The following EYS variants were observed in gnomAD, a reference collection of about 807,000 sequenced individuals.
EYS encodes EGF-like photoreceptor maintenance factor.
In EYS, 250 loss-of-function variants were observed where a neutral mutation model predicts 282.1. The observed-to-expected ratio is 0.89, with a 90% CI of 0.80 to 0.98. The LOEUF (loss-of-function observed/expected upper bound fraction) is 0.98, where lower values mean the gene tolerates loss of function less well. EYS is among the 50% of genes least tolerant of loss of function. The pLI is 0.00. For synonymous variants in EYS, 1,355 were observed against 1,282.9 expected (o/e 1.06, Z -1.20); for missense variants, 4,016 against 3,709.0 (o/e 1.08, Z -2.15).
At chr6:63,856,235 A>G (rs1772388197) in intron 36 of EYS, among the ~76,000 whole-genome samples, 1 of 149,894 alleles carries the variant, frequency 6.7e-6, no homozygotes, top group Non-Finnish European at 1.5e-5. Context: ...GAGCTTGAGA[A>G]TAAACTACAG....
intron 2 of EYS, among the ~76,000 whole-genome samples, chr6:65,582,145 G>A (rs1764896343): frequency 6.6e-6 from 1 of 151,584 alleles, no homozygotes. Context: ...GCAATGAACT[G>A]AGATGGCGCC....
chr6:64,783,940 T>C (rs1773938733), intron 22 of EYS, among the ~76,000 whole-genome samples: 1 of 152,128 alleles, frequency 6.6e-6, no homozygotes, highest in Non-Finnish European at 1.5e-5. Flanking sequence ...TTGAGATAAA[T>C]TTAACAAAAA....
chr6:63,875,999 C>T (rs1431524188), intron 35 of EYS, among the ~76,000 whole-genome samples: 1 of 152,088 alleles, frequency 6.6e-6, no homozygotes, highest in East Asian at 1.9e-4. Context: ...TTAGTTATTT[C>T]TTGCCTTCTG....
chr6:64,403,388 G>A (rs529824872), intron 28 of EYS, among the ~76,000 whole-genome samples: 30 of 151,540 alleles, frequency 2.0e-4, no homozygotes, highest in Middle Eastern at 3.4e-3. Context: ...ATGGCGTCTC[G>A]CTCTGTCACC....
At chr6:64,585,782 C>T (rs1326458430) in intron 26 of EYS, among the ~76,000 whole-genome samples, 1 of 151,994 alleles carries the variant, frequency 6.6e-6, no homozygotes, top group Admixed American at 6.6e-5. Context: ...CCTTTCTATT[C>T]AACACTTTCT....
chr6:64,634,023 A>G (rs1767883821), intron 22 of EYS, among the ~76,000 whole-genome samples: 2 of 152,116 alleles, frequency 1.3e-5, no homozygotes, highest in Non-Finnish European at 2.9e-5. Context: ...GTGCTCTGAC[A>G]TCCAGGCTGG....
intron 30 of EYS, among the ~76,000 whole-genome samples, chr6:64,235,942 G>A (rs1227919692): frequency 1.3e-5 from 2 of 152,128 alleles, no homozygotes; most frequent in Non-Finnish European, 2.9e-5. Context: ...CCATCAATAG[G>A]AAAAGAGGGA....
intron 1 of EYS, among the ~76,000 whole-genome samples, chr6:65,659,655 T>C (rs542593439): frequency 6.6e-6 from 1 of 151,866 alleles, no homozygotes; most frequent in South Asian, 2.1e-4. Context: ...CTTAGATTCA[T>C]ATACTATGAA....
intron 5 of EYS, among the ~76,000 whole-genome samples, chr6:65,443,601 A>T (rs1313757647): frequency 6.6e-6 from 1 of 151,298 alleles, no homozygotes; most frequent in African/African-American, 2.4e-5. Context: ...CATATACATC[A>T]TATACACATA....
chr6:64,437,255 T>A (rs943392762), intron 27 of EYS, among the ~76,000 whole-genome samples: 8 of 151,656 alleles, frequency 5.3e-5, no homozygotes, highest in Admixed American at 4.0e-4. Flanking sequence ...TTATTAAGAC[T>A]AATGGATAGC....
intron 41 of EYS, among the ~76,000 whole-genome samples, chr6:63,751,095 T>C (rs1217276962): frequency 2.0e-5 from 3 of 152,236 alleles, no homozygotes; most frequent in Non-Finnish European, 2.9e-5. Flanking sequence ...AATCATCCTG[T>C]TCTTGGTGGT....
chr6:64,044,631 C>A (rs1336644634), intron 33 of EYS, among the ~76,000 whole-genome samples: 1 of 152,190 alleles, frequency 6.6e-6, no homozygotes, highest in Non-Finnish European at 1.5e-5. Context: ...CGACATTCCC[C>A]ACACATGTCT....
intron 26 of EYS, among the ~76,000 whole-genome samples, chr6:64,516,487 A>T (rs1321741079): frequency 6.6e-6 from 1 of 151,810 alleles, no homozygotes; most frequent in Admixed American, 6.6e-5. Context: ...TATTTTTTTT[A>T]AATCACAAAA....
intron 11 of EYS, among the ~76,000 whole-genome samples, chr6:65,327,482 C>T (rs1430492346): frequency 1.3e-5 from 2 of 151,010 alleles, no homozygotes; most frequent in Non-Finnish European, 3.0e-5. Flanking sequence ...TGCTTTTGAT[C>T]CTCTATTATA....
intron 18 of EYS, among the ~76,000 whole-genome samples, chr6:64,887,772 A>G (rs896301908): frequency 6.6e-6 from 1 of 152,098 alleles, no homozygotes; most frequent in Non-Finnish European, 1.5e-5. Flanking sequence ...TGCTTTTGAA[A>G]GTCTCAGGAA....
intron 29 of EYS, among the ~76,000 whole-genome samples, chr6:64,351,463 C>T (rs1244589191): frequency 6.6e-6 from 1 of 151,386 alleles, no homozygotes; most frequent in Non-Finnish European, 1.5e-5. Flanking sequence ...CATCTATCTA[C>T]TTGTATCATA....
At chr6:65,688,677 GA>G (rs1769121592) in intron 1 of EYS, among the ~76,000 whole-genome samples, 1 of 151,958 alleles carries the variant, frequency 6.6e-6, no homozygotes, top group African/African-American at 2.4e-5. Flanking sequence ...AAATTTACAA[GA>G]AAAAAACAAA....
At chr6:63,940,616 G>A (rs1765205232) in intron 35 of EYS, among the ~76,000 whole-genome samples, 1 of 151,940 alleles carries the variant, frequency 6.6e-6, no homozygotes, top group African/African-American at 2.4e-5. Flanking sequence ...CTTCTGATGA[G>A]TTCGCAGATG....
intron 7 of EYS, among the ~76,000 whole-genome samples, chr6:65,395,964 C>G (rs893930702): frequency 2.0e-5 from 3 of 152,134 alleles, no homozygotes; most frequent in African/African-American, 7.2e-5. Context: ...CTTTATCTGG[C>G]TGATTCATTT....
Sources: gnomAD v4.1 joint callset for allele counts (sites outside exome capture counted in the v4.1 genomes callset) on GRCh38, gnomAD v4.1.1 for gene constraint, MANE v1.5 for transcripts, NCBI Gene and HGNC (gene_info 2026-07-23, HGNC 2026-07-21) for gene names.